XPO6: variants seen among roughly 807,000 people sequenced by gnomAD.
The protein encoded by XPO6 is exportin-6.
Under a neutral mutation model 130.0 loss-of-function variants are expected in XPO6, and 3 were observed. The ratio of observed to expected loss-of-function variants is 0.02; its 90% CI spans 0.01 to 0.06. The LOEUF (loss-of-function observed/expected upper bound fraction) is 0.06. XPO6 is among the 10% of genes least tolerant of loss of function. The pLI, the probability that XPO6 is intolerant of heterozygous loss-of-function variation, is 1.00. For missense variants in XPO6, 970 were observed against 1,393.0 expected, an observed-to-expected ratio of 0.70 and a Z score of 4.83; for synonymous variants, 524 against 548.9, an observed-to-expected ratio of 0.95 and a Z score of 0.63.
At chr16:28,099,341 G>T (rs1309986076) in intron 23 of XPO6, among the ~76,000 whole-genome samples, 2 of 151,880 alleles carry the variant, frequency 1.3e-5, no homozygotes, top group East Asian at 3.9e-4. Flanking sequence ...GGCCCAGCAA[G>T]CCCCAGCAGA....
chr16:28,204,767 C>T (rs946191554), intron 1 of XPO6, among the ~76,000 whole-genome samples: 2 of 152,106 alleles, frequency 1.3e-5, no homozygotes, highest in African/African-American at 4.8e-5. Flanking sequence ...GGCCAAGTGA[C>T]GAAAGGCTGA....
chr16:28,098,093 AAG>A lies in XPO6; in HGVS notation c.*443_*444del, dbSNP rs1192414472. On this transcript the variant is annotated 3_prime_UTR_variant, in exon 24 of 24. Transcript: ENST00000304658. ...CGTGAGTCTTTGCAAATCTCTGACA[AAG>A]AGCAGAGATCTCAAGGCAATTGGGG... 1 of 157,484 alleles carries A rather than the reference AAG, an allele frequency of 6.3e-6. No individual in the cohort carries two copies. The highest frequency in any genetic ancestry group is 1.9e-4 in the East Asian group (1 of 5,380). The allele number at this position is 157,484 out of a possible 1,614,324, so 9.8% of individuals were successfully genotyped here.
Position 28,117,465 on chromosome 16 carries a change from GC to G in XPO6, c.1860-4del. The G allele has an allele frequency of 6.2e-7, 1 of 1,610,856 alleles. No individual in the cohort carries two copies. The highest frequency in any genetic ancestry group is 8.5e-7 in the Non-Finnish European group (1 of 1,177,358). ...GCGCAGCCAGGGACTGAGCATGCCT[GC>G]AGAAAGAAAAGAAGATGTGATTTTA... is the stretch of plus-strand genomic sequence containing the variant. On this transcript the variant is annotated splice_region_variant and splice_polypyrimidine_tract_variant and intron_variant, in intron 14 of 23. Coordinates refer to ENST00000304658, the MANE Select transcript of XPO6 (RefSeq NM_015171.4).
chr16:28,135,123 C>A, intron 10 of XPO6, 93 bp downstream of exon 10: 1 of 1,022,516 alleles, frequency 9.8e-7, no homozygotes, highest in Non-Finnish European at 1.5e-6. Flanking sequence ...TCAGAACAGT[C>A]TTCGGAGCAG....
intron 9 of XPO6, 65 bp downstream of exon 9, chr16:28,146,029 C>T (rs1477417800): frequency 8.0e-7 from 1 of 1,255,488 alleles, no homozygotes; most frequent in African/African-American, 1.5e-5. Flanking sequence ...GCATGGCTGT[C>T]TCTTAGGCCA....
chr16:28,159,269 C>G (rs1427792354), intron 6 of XPO6, among the ~76,000 whole-genome samples: 1 of 151,822 alleles, frequency 6.6e-6, no homozygotes, highest in South Asian at 2.1e-4. Flanking sequence ...AAAACTATAA[C>G]AAGAAGAAAA....
chr16:28,181,861 G>T lies in XPO6; in HGVS notation c.4-830C>A, dbSNP rs76741343. ...CCAGACTCTCAGCAGAACTGCTCAGGTTGGAAATGAGAGGAGAGGCAGCTC... is the reference window on the plus strand; with the variant it reads ...CCAGACTCTCAGCAGAACTGCTCAGTTTGGAAATGAGAGGAGAGGCAGCTC... On this transcript the variant is annotated intron_variant, in intron 1 of 23. Transcript: ENST00000304658. Among the ~76,000 whole-genome samples, 321 of 152,272 alleles carry T rather than the reference G, an allele frequency of 2.1e-3. 2 individuals are homozygous for T. The highest frequency in any genetic ancestry group is 4.2e-3 in the Admixed American group (65 of 15,298).
chr16:28,173,447 C>T (rs2043487078), intron 4 of XPO6, among the ~76,000 whole-genome samples: 1 of 152,172 alleles, frequency 6.6e-6, no homozygotes, highest in Non-Finnish European at 1.5e-5. Flanking sequence ...GTGCTAAAAT[C>T]AAAGGGGACT....
chr16:28,165,689 T>A (rs1367011624), intron 6 of XPO6, among the ~76,000 whole-genome samples: 1 of 152,110 alleles, frequency 6.6e-6, no homozygotes, highest in Non-Finnish European at 1.5e-5. Context: ...CCACAGCCTA[T>A]CTCCTTGAAA....
intron 15 of XPO6, among the ~76,000 whole-genome samples, chr16:28,114,077 G>T (rs1193671240): frequency 6.6e-6 from 1 of 151,632 alleles, no homozygotes; most frequent in African/African-American, 2.4e-5. Flanking sequence ...TTTTAACATG[G>T]ATATAACCTT....
chr16:28,189,551 G>A (rs1355694127), intron 1 of XPO6, among the ~76,000 whole-genome samples: 1 of 152,042 alleles, frequency 6.6e-6, no homozygotes, highest in Non-Finnish European at 1.5e-5. Context: ...ATACATTGAT[G>A]TAATTCATTC....
intron 9 of XPO6, among the ~76,000 whole-genome samples, chr16:28,136,603 T>C (rs2042783187): frequency 6.6e-6 from 1 of 152,180 alleles, no homozygotes; most frequent in Non-Finnish European, 1.5e-5. Context: ...AAAAAGAGCC[T>C]GGGGAAACCC....
chr16:28,206,505 G>A (rs2044032969), intron 1 of XPO6, among the ~76,000 whole-genome samples: 1 of 152,090 alleles, frequency 6.6e-6, no homozygotes, highest in Non-Finnish European at 1.5e-5. Context: ...CTGTGACTGT[G>A]CTGCTGCGCC....
intron 12 of XPO6, among the ~76,000 whole-genome samples, chr16:28,127,150 C>A (rs16939846): frequency 0.041 from 6,280 of 152,240 alleles, 446 homozygotes; most frequent in African/African-American, 0.15. Context: ...CATGGCCTCG[C>A]CACCTTCTAC....
Position 28,106,036 on chromosome 16 carries a change from C to A in XPO6, c.2784+7G>T. On this transcript the variant is annotated splice_region_variant and intron_variant, in intron 20 of 23. Coordinates refer to ENST00000304658, the MANE Select transcript of XPO6 (RefSeq NM_015171.4). This position sits in a 1 kb window ranked among gnomAD's most constrained non-coding sequence, Gnocchi z 4.2. ...GGTGCTGCACAGGGGACCGTCTGAG[C>A]CCCTACCTCGGCAATGATGGGATAC... 6.2e-7 allele frequency: 1 copy of A among 1,612,538 alleles called. No homozygotes were observed. The highest frequency in any genetic ancestry group is 8.5e-7 in the Non-Finnish European group (1 of 1,178,960).
chr16:28,204,948 G>C (rs1164007488), intron 1 of XPO6, among the ~76,000 whole-genome samples: 3 of 152,168 alleles, frequency 2.0e-5, no homozygotes, highest in Non-Finnish European at 1.5e-5. Context: ...TATAATCCCA[G>C]CATTTTGGGA....
At chr16:28,148,748 A>G (rs2043029019) in intron 8 of XPO6, among the ~76,000 whole-genome samples, 1 of 152,174 alleles carries the variant, frequency 6.6e-6, no homozygotes, top group Non-Finnish European at 1.5e-5. Context: ...TCAGAACTAG[A>G]AAGTGGATCT....
At chr16:28,210,013 C>CA (rs887601728) in intron 1 of XPO6, among the ~76,000 whole-genome samples, 2 of 152,222 alleles carry the variant, frequency 1.3e-5, no homozygotes, top group African/African-American at 4.8e-5. Flanking sequence ...CCTGCAGCCC[C>CA]AGCTACTTGG....
intron 1 of XPO6, among the ~76,000 whole-genome samples, chr16:28,190,746 A>C (rs1254874514): frequency 1.3e-5 from 2 of 152,206 alleles, no homozygotes; most frequent in Admixed American, 1.3e-4. Context: ...GTCATGTGGG[A>C]GAATGCCCCT....
Sources: allele counts gnomAD v4.1 joint callset (sites outside exome capture counted in the v4.1 genomes callset), GRCh38; gene constraint gnomAD v4.1.1; non-coding constraint Gnocchi (gnomAD v3.1); transcripts MANE v1.5; gene names NCBI Gene and HGNC (gene_info 2026-07-23, HGNC 2026-07-21).